CDKN2A: variants seen among roughly 807,000 people sequenced by gnomAD.
The protein encoded by CDKN2A is cyclin dependent kinase inhibitor 2A.
CDKN2A carries 3 observed loss-of-function variants against 11.1 expected under a neutral mutation model. The observed-to-expected ratio is 0.27, with a 90% CI of 0.12 to 0.70. The LOEUF (loss-of-function observed/expected upper bound fraction) is 0.70. CDKN2A is among the 30% of genes least tolerant of loss of function. The pLI, the probability that CDKN2A is intolerant of heterozygous loss-of-function variation, is 0.77. For synonymous variants in CDKN2A, 122 were observed against 108.1 expected, an observed-to-expected ratio of 1.13 and a Z score of -0.80; for missense variants, 265 against 233.6, an observed-to-expected ratio of 1.13 and a Z score of -0.88.
Position 21,982,479 on chromosome 9 carries a change from A to AT in CDKN2A, c.-3-11272dup, listed in dbSNP as rs35302371. On this transcript the variant is annotated intron_variant, in intron 2 of 3. Transcript: ENST00000494262. ...CAATTATTCCTTAACTTTTTTGTAA[A>AT]TTTTTTTTATGTTGATAAATTACTT... Among the ~76,000 whole-genome samples the AT allele has an allele frequency of 2.2e-4, 34 of 151,790 alleles. 1 individual carries two copies. The East Asian group carries it at 5.8e-3, about 26-fold the overall frequency.
intron 2 of CDKN2A, among the ~76,000 whole-genome samples, chr9:21,987,438 G>T (rs202157639): frequency 1.6e-5 from 2 of 125,630 alleles, no homozygotes; most frequent in African/African-American, 3.1e-5. Context: ...CACACAGAGA[G>T]AGAGAGAGAG....
intron 2 of CDKN2A, among the ~76,000 whole-genome samples, chr9:21,990,810 C>T (rs1220380011): frequency 6.6e-6 from 1 of 152,186 alleles, no homozygotes; most frequent in Non-Finnish European, 1.5e-5. Context: ...TTTTTGATTT[C>T]TTGCTACTAC....
intron 1 of CDKN2A, among the ~76,000 whole-genome samples, chr9:21,972,564 T>A (rs1230966051): frequency 6.6e-6 from 1 of 152,214 alleles, no homozygotes; most frequent in African/African-American, 2.4e-5. Flanking sequence ...TGTGGACCCA[T>A]TTTTGACTTC....
At chr9:21,985,661 T>C (rs1820282942) in intron 2 of CDKN2A, among the ~76,000 whole-genome samples, 1 of 151,886 alleles carries the variant, frequency 6.6e-6, no homozygotes. Context: ...TGATTTCCTG[T>C]CTTAGAAAAC....
Position 21,974,574 on chromosome 9 carries a change from T to C in CDKN2A, c.150+104A>G, listed in dbSNP as rs747994882. On this transcript the variant is annotated intron_variant, in intron 1 of 2. Transcript: ENST00000304494. This position sits in a 1 kb window ranked among gnomAD's most constrained non-coding sequence, Gnocchi z 5.2. ...TGAAAACTCCCCAGGAAGCCTCCCC[T>C]TTTTCCGGAGAATCGAAGCGCTACC... is the stretch of plus-strand genomic sequence containing the variant. 2 of 1,613,466 alleles carry C rather than the reference T, an allele frequency of 1.2e-6. No homozygotes were observed. The highest frequency in any genetic ancestry group is 2.7e-5 in the African/African-American group (2 of 75,040).
At chr9:21,986,794 A>G (rs1021673413) in intron 2 of CDKN2A, among the ~76,000 whole-genome samples, 1 of 152,082 alleles carries the variant, frequency 6.6e-6, no homozygotes, top group Non-Finnish European at 1.5e-5. Flanking sequence ...AATATATTCA[A>G]CTTCAACTAT....
chr9:21,970,998 G>C lies in CDKN2A; in HGVS notation c.361C>G (p.Leu121Val), dbSNP rs142371511. 1.8e-5 allele frequency: 29 copies of C among 1,609,610 alleles called. No individual in the cohort carries two copies. In the African/African-American group the frequency reaches 3.7e-4, roughly 21 times the overall value. The change falls in exon 2 of 3, where the codon CTG (leucine) becomes GTG (valine). Residue 121 changes from leucine to valine, a missense_variant. Physicochemically the swap from Leu to Val is conservative, Grantham distance 32 (BLOSUM62 1). Transcript: ENST00000304494. ...GRLPVDLAEE[L>V]GHRDVARYLR... ...TACCGTGCGACATCGCGATGGCCCA[G>C]CTCCTCAGCCAGGTCCACGGGCAGA...
chr9:21,994,494 C>A, intron 1 of CDKN2A: 1 of 1,435,528 alleles, frequency 7.0e-7, no homozygotes, highest in Non-Finnish European at 9.2e-7. Flanking sequence ...CCTGAGCGCG[C>A]CCGCCCCCCA....
upstream of CDKN2A, among the ~76,000 whole-genome samples, chr9:21,977,471 T>G (rs1158158680): frequency 6.6e-6 from 1 of 152,206 alleles, no homozygotes; most frequent in Non-Finnish European, 1.5e-5. Context: ...GTTCGAGCAA[T>G]TCTCCTGCCT....
intron 2 of CDKN2A, among the ~76,000 whole-genome samples, chr9:21,989,154 G>A (rs968536968): frequency 2.0e-5 from 3 of 152,176 alleles, no homozygotes; most frequent in African/African-American, 7.2e-5. Context: ...TGGGTTTGCT[G>A]AATACACATT....
chr9:21,973,227 G>A (rs1313155119), intron 1 of CDKN2A, among the ~76,000 whole-genome samples: 2 of 151,940 alleles, frequency 1.3e-5, no homozygotes, highest in Non-Finnish European at 2.9e-5. Flanking sequence ...GAAATCCAAA[G>A]CAAAAAGAAA....
At chr9:21,990,194 G>A (rs1820394797) in intron 2 of CDKN2A, among the ~76,000 whole-genome samples, 1 of 152,092 alleles carries the variant, frequency 6.6e-6, no homozygotes, top group African/African-American at 2.4e-5. Flanking sequence ...TCCCAAGAAG[G>A]GCGCCAAGTG....
rs1353100907 is a variant in CDKN2A at position 21,974,384 on chromosome 9, G to A, written c.150+294C>T. The A allele has an allele frequency of 7.7e-6, 12 of 1,558,744 alleles. No individual in the cohort carries two copies. Among genetic ancestry groups the A allele is most frequent in the Non-Finnish European group, 1.0e-5 (12 of 1,149,550 alleles). On this transcript the variant is annotated intron_variant, in intron 1 of 2. Transcript: ENST00000304494. This position sits in a 1 kb window ranked among gnomAD's most constrained non-coding sequence, Gnocchi z 5.2. Reference sequence around the variant, plus strand: ...TTTATCCCAAACGTTCGTAAATTTTGTATCTGATAAAGAGCATACTTCCAT... The same window carrying A: ...TTTATCCCAAACGTTCGTAAATTTTATATCTGATAAAGAGCATACTTCCAT...
intron 2 of CDKN2A, chr9:21,992,601 GT>G (rs767476197): frequency 2.4e-5 from 7 of 288,004 alleles, no homozygotes; most frequent in Non-Finnish European, 3.6e-5. Flanking sequence ...ACAATGTTAT[GT>G]TTTATAGGCC....
At position 21,994,314 on chromosome 9, in the gene CDKN2A, C is replaced by G. The variant is rs1820537175; in HGVS notation, c.-175-261G>C. On this transcript the variant is annotated intron_variant, in intron 1 of 3. Coordinates refer to the CDKN2A transcript ENST00000494262. ...ACGCGCGCCGAATCCGGAGGGTCAC[C>G]AAGAACCTGCGCACCATGTTCTCGC... is the stretch of plus-strand genomic sequence containing the variant. 1.9e-6 allele frequency: 3 copies of G among 1,605,918 alleles called. No homozygotes were observed. The highest frequency in any genetic ancestry group is 2.5e-6 in the Non-Finnish European group (3 of 1,177,290).
At chr9:21,970,568 A>C (rs1426432896) in intron 2 of CDKN2A, 3 of 553,476 alleles carry the variant, frequency 5.4e-6, no homozygotes, top group African/African-American at 1.9e-5. Flanking sequence ...TTGGAGGAAG[A>C]GGGGGCACTA....
At chr9:21,990,611 T>TGAGAGAGAGAGACAGAGAGAGAGA (rs1554658808) in intron 2 of CDKN2A, among the ~76,000 whole-genome samples, 1 of 89,676 alleles carries the variant, frequency 1.1e-5, no homozygotes, top group Non-Finnish European at 2.2e-5. Flanking sequence ...ACTAATTTGG[T>TGAGAGAGAGAGACAGAGAGAGAGA]GAGAGAGAGA....
intron 2 of CDKN2A, among the ~76,000 whole-genome samples, chr9:21,981,055 C>T (rs1476361801): frequency 3.0e-5 from 1 of 33,792 alleles, no homozygotes; most frequent in African/African-American, 1.2e-4. Context: ...TATATATATA[C>T]GTGTATATAT....
chr9:21,983,221 T>C (rs1820235685), intron 2 of CDKN2A, among the ~76,000 whole-genome samples: 1 of 152,134 alleles, frequency 6.6e-6, no homozygotes, highest in East Asian at 1.9e-4. Flanking sequence ...TTGAATGATT[T>C]GCTTTCCTGA....
Sources: allele counts gnomAD v4.1 joint callset (sites outside exome capture counted in the v4.1 genomes callset), GRCh38; gene constraint gnomAD v4.1.1; non-coding constraint Gnocchi (gnomAD v3.1); transcripts MANE v1.5; gene names NCBI Gene and HGNC (gene_info 2026-07-23, HGNC 2026-07-21).